Variants in KIF1B observed in about 807,000 individuals in gnomAD.
KIF1B encodes kinesin-like protein KIF1B.
A neutral mutation model predicts 241.9 loss-of-function variants in KIF1B; 76 were observed. The observed-to-expected ratio is 0.31, with a 90% CI of 0.26 to 0.38. KIF1B has a LOEUF of 0.38. KIF1B is among the 10% of genes least tolerant of loss of function. KIF1B has a pLI of 1.00. For synonymous variants in KIF1B, 750 were observed against 796.7 expected (o/e 0.94, Z 0.99); for missense variants, 1,622 against 2,271.4 (o/e 0.71, Z 5.81).
chr1:10,305,849 C>T, intron 22 of KIF1B: 1 of 1,052,164 alleles, frequency 9.5e-7, no homozygotes. Flanking sequence ...TTGAGTTTGT[C>T]AAAAAGTTTT....
chr1:10,378,026 C>T lies in KIF1B; in HGVS notation c.*1439C>T, dbSNP rs1638932943. ...AGAAATATAGCTTTCAGGCATAAAC[C>T]TGGAAGTCTCCCTCTGAATCCAGCA... On this transcript the variant is annotated 3_prime_UTR_variant, in exon 49 of 49. Coordinates refer to ENST00000676179, the MANE Select transcript of KIF1B (RefSeq NM_001365951.3). 5.5e-6 allele frequency: 2 copies of T among 364,678 alleles called. No homozygotes were observed. The highest frequency in any genetic ancestry group is 5.0e-6 in the Non-Finnish European group (1 of 200,150). 22.6% of individuals were successfully genotyped at this position (364,678 alleles called of 1,614,324 possible). A position where few individuals can be genotyped will look rare whatever the true frequency, so the allele number is the denominator to read the frequency against.
chr1:10,305,520 G>A (rs1650787023), intron 22 of KIF1B: 13 of 1,060,152 alleles, frequency 1.2e-5, no homozygotes, highest in Admixed American at 5.4e-5. Flanking sequence ...GAAGAGGTGG[G>A]ACAGACATGG....
intron 38 of KIF1B, among the ~76,000 whole-genome samples, chr1:10,358,685 A>G (rs7514588): frequency 0.17 from 15,618 of 94,444 alleles, 1,144 homozygotes; most frequent in African/African-American, 0.27. Flanking sequence ...CTCTGTCTCA[A>G]AAAAAAAAAA....
chr1:10,281,429 A>C (rs1649400804), intron 14 of KIF1B, among the ~76,000 whole-genome samples: 1 of 152,190 alleles, frequency 6.6e-6, no homozygotes, highest in African/African-American at 2.4e-5. Context: ...TACTGAGTGT[A>C]AAAGCAAAAT....
chr1:10,295,520 C>G, intron 18 of KIF1B, 140 bp from the exon 19 acceptor site: 3 of 761,408 alleles, frequency 3.9e-6, no homozygotes, highest in Non-Finnish European at 6.9e-6. Context: ...GGATAGAATT[C>G]ATAGTTGAAA....
At chr1:10,269,792 T>A (rs192863328) in intron 7 of KIF1B, among the ~76,000 whole-genome samples, 49 of 152,328 alleles carry the variant, frequency 3.2e-4, no homozygotes, top group Non-Finnish European at 5.4e-4. Context: ...CACTTCAGCC[T>A]GGGTAACAAG....
chr1:10,272,536 G>C, intron 9 of KIF1B: 1 of 596,304 alleles, frequency 1.7e-6, no homozygotes, highest in South Asian at 1.7e-5. Context: ...GTAAAAACTA[G>C]AGCAAACACT....
At chr1:10,325,898 A>C (rs1164265543) in intron 26 of KIF1B, among the ~76,000 whole-genome samples, 2 of 152,146 alleles carry the variant, frequency 1.3e-5, no homozygotes, top group Non-Finnish European at 2.9e-5. Flanking sequence ...TCTTATTCTA[A>C]GGATTAGTCC....
chr1:10,357,726 A>G (rs963582800), intron 38 of KIF1B, among the ~76,000 whole-genome samples: 1 of 152,054 alleles, frequency 6.6e-6, no homozygotes, highest in African/African-American at 2.4e-5. Flanking sequence ...AAAATAAAAT[A>G]GGCCAGGCGC....
intron 22 of KIF1B, chr1:10,305,231 C>T (rs1650769068): frequency 1.9e-6 from 2 of 1,044,064 alleles, no homozygotes; most frequent in South Asian, 4.6e-5. Flanking sequence ...AGCTTTGCAT[C>T]TTCCACACAA....
At chr1:10,229,652 C>T (rs1383403765) in intron 1 of KIF1B, among the ~76,000 whole-genome samples, 10 of 148,136 alleles carry the variant, frequency 6.8e-5, no homozygotes, top group African/African-American at 1.2e-4. Flanking sequence ...GTCAGGAGAT[C>T]GAGACCATCC....
intron 38 of KIF1B, 141 bp downstream of exon 38, chr1:10,352,877 T>C: frequency 1.5e-6 from 1 of 674,004 alleles, no homozygotes; most frequent in South Asian, 1.5e-5. Context: ...AAAATCTCTT[T>C]ATTTCTTCAC....
intron 2 of KIF1B, among the ~76,000 whole-genome samples, chr1:10,243,210 A>G (rs1647162569): frequency 6.6e-6 from 1 of 152,124 alleles, no homozygotes. Flanking sequence ...TGAGCTCAGG[A>G]GTTCGAGACC....
chr1:10,267,779 TTTACTC>T (rs1426625940), intron 6 of KIF1B, among the ~76,000 whole-genome samples: 1 of 152,222 alleles, frequency 6.6e-6, no homozygotes, highest in Non-Finnish European at 1.5e-5. Flanking sequence ...CTCATTGAGT[TTTACTC>T]TTAGGTTTTG....
At position 10,215,138 on chromosome 1, in the gene KIF1B, TTATATATATATA is replaced by T. The variant is rs1162229178; in HGVS notation, c.-80+4284_-80+4295del. 5.0e-3 allele frequency among the ~76,000 whole-genome samples: 295 copies of T among 59,520 alleles called. 2 individuals carry two copies. The highest frequency in any genetic ancestry group is 0.011 in the African/African-American group (133 of 12,582). 39.0% of individuals were successfully genotyped at this position (59,520 alleles called of 152,430 possible). ...TGATGGATTTAAAAATTTATATATT[TTATATATATATA>T]TATATATATATATATATATATATTT... is the stretch of plus-strand genomic sequence containing the variant. On this transcript the variant is annotated intron_variant, in intron 1 of 48. Transcript: ENST00000676179.
intron 34 of KIF1B, among the ~76,000 whole-genome samples, chr1:10,343,726 C>G (rs1652485340): frequency 6.6e-6 from 1 of 151,910 alleles, no homozygotes; most frequent in South Asian, 2.1e-4. Context: ...CCTTTGCACT[C>G]CAGCCTGGGC....
Position 10,256,307 on chromosome 1 carries a change from A to T in KIF1B, c.167A>T (p.Tyr56Phe). ...AAGTCCTTCAGCTTCGACTATTCCT[A>T]CTGGTCTCATACCTCAGTGAGTACC... is the stretch of plus-strand genomic sequence containing the variant. The part of the protein sequence containing the change: ...APKSFSFDYS[Y>F]WSHTSPEDPC... The change falls in exon 3 of 49, where the codon TAC becomes TTC. Residue 56 changes from tyrosine to phenylalanine, a missense_variant. Physicochemically the swap from Tyr to Phe is conservative, Grantham distance 22. This residue lies in a region of KIF1B where 156 missense variants were observed against 244.8 expected (regional missense o/e 0.64). Coordinates refer to ENST00000676179, the MANE Select transcript of KIF1B (RefSeq NM_001365951.3). 1.2e-6 allele frequency: 2 copies of T among 1,610,582 alleles called. No homozygotes were observed. The highest frequency in any genetic ancestry group is 1.7e-6 in the Non-Finnish European group (2 of 1,176,798).
Position 10,337,729 on chromosome 1 carries a change from C to G in KIF1B, c.3422+196C>G, listed in dbSNP as rs1652234743. Among the ~76,000 whole-genome samples the G allele has an allele frequency of 6.6e-6, 1 of 152,136 alleles. No individual in the cohort carries two copies. The highest frequency in any genetic ancestry group is 2.4e-5 in the African/African-American group (1 of 41,428). On this transcript the variant is annotated intron_variant, in intron 31 of 48. Coordinates refer to ENST00000676179, the MANE Select transcript of KIF1B (RefSeq NM_001365951.3). This position sits in a 1 kb window ranked among gnomAD's most constrained non-coding sequence, Gnocchi z 4.0. ...CTGTCCTGGAATGCAACAGGGTTCC[C>G]TGGCAGGAGGAGCATGCTGCACATC...
chr1:10,332,816 CTTT>C (rs1282004408), intron 27 of KIF1B, among the ~76,000 whole-genome samples: 1 of 111,634 alleles, frequency 9.0e-6, no homozygotes. Context: ...CGCCTGGCCT[CTTT>C]TTTTTTTTTT....
Sources: gnomAD v4.1 joint callset for allele counts (sites outside exome capture counted in the v4.1 genomes callset) on GRCh38, gnomAD v4.1.1 for gene constraint, gnomAD v4.1.1 regional missense constraint, Gnocchi (gnomAD v3.1) non-coding constraint, MANE v1.5 for transcripts, NCBI Gene and HGNC (gene_info 2026-07-23, HGNC 2026-07-21) for gene names.